RAP1GDS1: variants seen among roughly 807,000 people sequenced by gnomAD.
RAP1GDS1 encodes the protein Rap1 GTPase-GDP dissociation stimulator 1.
A neutral mutation model predicts 71.1 loss-of-function variants in RAP1GDS1; 35 were observed. That is an observed-to-expected ratio of 0.49 (90% CI 0.38 to 0.65). RAP1GDS1 has a LOEUF of 0.65. Ranked by LOEUF, RAP1GDS1 falls within the 30% of genes least tolerant of loss-of-function variation. The pLI is 0.00. For missense variants in RAP1GDS1, 663 were observed against 706.1 expected (o/e 0.94, Z 0.69); for synonymous variants, 229 against 243.1 (o/e 0.94, Z 0.54).
At chr4:98,375,661 TG>T (rs1393094959) in intron 4 of RAP1GDS1, among the ~76,000 whole-genome samples, 2 of 152,212 alleles carry the variant, frequency 1.3e-5, no homozygotes, top group Admixed American at 6.5e-5. Context: ...CATTTTAATA[TG>T]AAATGTACAA....
chr4:98,418,636 G>C (rs780631188), intron 9 of RAP1GDS1, 21 bp from the exon 10 acceptor site: 4 of 1,576,774 alleles, frequency 2.5e-6, no homozygotes, highest in Non-Finnish European at 3.4e-6. Flanking sequence ...GGAAGAAAAA[G>C]ATGTGTGTTT....
intron 4 of RAP1GDS1, among the ~76,000 whole-genome samples, chr4:98,359,820 C>A (rs978103263): frequency 2.6e-5 from 4 of 152,096 alleles, no homozygotes; most frequent in African/African-American, 7.2e-5. Flanking sequence ...GCAGAGATAT[C>A]AGGAAGCCAT....
chr4:98,335,270 A>G (rs1734551611), intron 2 of RAP1GDS1, among the ~76,000 whole-genome samples: 1 of 152,152 alleles, frequency 6.6e-6, no homozygotes, highest in South Asian at 2.1e-4. Flanking sequence ...TGTGTCCATC[A>G]GGCTACAAGG....
chr4:98,366,973 C>A (rs1739590282), intron 4 of RAP1GDS1, among the ~76,000 whole-genome samples: 1 of 152,142 alleles, frequency 6.6e-6, no homozygotes, highest in Admixed American at 6.5e-5. Context: ...AAGCCATCTG[C>A]AGAAATCTGC....
chr4:98,417,423 C>T lies in RAP1GDS1; in HGVS notation c.964C>T (p.Leu322Phe), dbSNP rs770303837. ...AAAAGGTAGTGTATTTCAAAGGGTA[C>T]TCTCTTGGATCCCATCAAATAACCA... ...GGKGSVFQRV[L>F]SWIPSNNHQL... Residue 322 changes from leucine (L) to phenylalanine (F), a missense_variant, in exon 9 of 15, where the codon CTC (leucine) becomes TTC (phenylalanine). Physicochemically the swap from Leu to Phe is conservative, Grantham distance 22. Coordinates refer to ENST00000408927, the MANE Select transcript of RAP1GDS1 (RefSeq NM_001100427.2). 26 of 1,613,198 alleles carry T rather than the reference C, an allele frequency of 1.6e-5. No homozygotes were observed. The highest frequency in any genetic ancestry group is 2.1e-5 in the Non-Finnish European group (25 of 1,179,296).
At chr4:98,427,737 C>G (rs1426919348) in intron 12 of RAP1GDS1, among the ~76,000 whole-genome samples, 2 of 152,054 alleles carry the variant, frequency 1.3e-5, no homozygotes, top group Non-Finnish European at 2.9e-5. Context: ...AAAACACATC[C>G]AATGCTCACC....
rs936311302 is a variant in RAP1GDS1, at chr4:98,329,269, G to T, written c.113-13870G>T. 2.0e-5 allele frequency among the ~76,000 whole-genome samples: 3 copies of T among 152,038 alleles called. No homozygotes were observed. The South Asian group carries it at 6.2e-4, about 32-fold the overall frequency. ...TCATAAAAGTATACTTTATTAAATT[G>T]CCTAAAGAGAAAGTTTCCTTAAATC... On this transcript the variant is annotated intron_variant, in intron 2 of 14. Transcript: ENST00000408927.
intron 5 of RAP1GDS1, among the ~76,000 whole-genome samples, chr4:98,381,271 T>G (rs769479298): frequency 2.6e-5 from 4 of 151,590 alleles, no homozygotes; most frequent in Admixed American, 6.6e-5. Flanking sequence ...AGACATAATC[T>G]TGAGTATTTT....
At chr4:98,343,005 A>G (rs557921040) in intron 2 of RAP1GDS1, 134 bp from the exon 3 acceptor site, 10 of 871,160 alleles carry the variant, frequency 1.1e-5, no homozygotes, top group South Asian at 2.2e-5. Flanking sequence ...GTATAAAGAC[A>G]TATATTTGAA....
chr4:98,262,456 C>T (rs913719015), intron 1 of RAP1GDS1, among the ~76,000 whole-genome samples: 6 of 152,194 alleles, frequency 3.9e-5, no homozygotes, highest in Non-Finnish European at 7.4e-5. Flanking sequence ...ACGATATATA[C>T]ATTTGACCTA....
intron 7 of RAP1GDS1, chr4:98,409,244 G>T (rs935242534): frequency 6.6e-6 from 1 of 152,108 alleles, no homozygotes; most frequent in African/African-American, 2.4e-5. Flanking sequence ...AAATACGTTG[G>T]ATAGCCCTTT....
intron 1 of RAP1GDS1, among the ~76,000 whole-genome samples, chr4:98,282,957 T>C (rs1000767844): frequency 6.6e-6 from 1 of 152,208 alleles, no homozygotes; most frequent in Admixed American, 6.5e-5. Flanking sequence ...TCCTGAGTTC[T>C]AATTTGATTG....
Position 98,261,539 on chromosome 4 carries a change from G to C in RAP1GDS1, c.-27G>C, listed in dbSNP as rs1240543398. 2 of 1,596,902 alleles carry C rather than the reference G, an allele frequency of 1.3e-6. No individual in the cohort carries two copies. Among genetic ancestry groups the C allele is most frequent in the Non-Finnish European group, 1.7e-6 (2 of 1,170,294 alleles). On this transcript the variant is annotated 5_prime_UTR_variant, in exon 1 of 15. Transcript: ENST00000408927. The stretch of plus-strand genomic sequence containing the variant: ...GCACCACAGACCTTCGCCTCGCCCC[G>C]CCGGTTCCTCACCCTCGGGGAGCAA...
chr4:98,374,024 AT>A (rs1000152396), intron 4 of RAP1GDS1, among the ~76,000 whole-genome samples: 1 of 151,902 alleles, frequency 6.6e-6, no homozygotes, highest in South Asian at 2.1e-4. Flanking sequence ...TTAAAACTTT[AT>A]TTTTTTTATT....
At chr4:98,302,380 A>G (rs1349782339) in intron 2 of RAP1GDS1, among the ~76,000 whole-genome samples, 1 of 152,194 alleles carries the variant, frequency 6.6e-6, no homozygotes, top group African/African-American at 2.4e-5. Flanking sequence ...GTGCCCAAGG[A>G]AGAATAGAGG....
In RAP1GDS1 at chr4:98,404,732, C is replaced by T. The variant is rs1016142056; in HGVS notation, c.763+130C>T. ...TAGTGATATGTTTTATTTTGCATAT[C>T]TCTAACTTTAGCTATGTTATCTACT... On this transcript the variant is annotated intron_variant, in intron 7 of 14. Transcript: ENST00000408927. 7 of 1,145,624 alleles carry T rather than the reference C, an allele frequency of 6.1e-6. No homozygotes were observed. In the African/African-American group the frequency reaches 1.1e-4, roughly 19 times the overall value. 71.0% of individuals were successfully genotyped at this position (1,145,624 alleles called of 1,614,324 possible). A position where few individuals can be genotyped will look rare whatever the true frequency, so the allele number is the denominator to read the frequency against.
At chr4:98,262,579 T>C (rs1261113136) in intron 1 of RAP1GDS1, among the ~76,000 whole-genome samples, 1 of 152,238 alleles carries the variant, frequency 6.6e-6, no homozygotes, top group Non-Finnish European at 1.5e-5. Context: ...TAGCGACTTG[T>C]ACTAAGTTCC....
intron 5 of RAP1GDS1, 42 bp from the exon 6 acceptor site, chr4:98,391,910 A>C (rs1445703484): frequency 1.6e-5 from 24 of 1,535,884 alleles, no homozygotes; most frequent in Non-Finnish European, 2.0e-5. Flanking sequence ...TTGACATGTC[A>C]ACACTTTCTT....
chr4:98,416,953 T>G lies in RAP1GDS1; in HGVS notation c.907+65T>G, dbSNP rs564702875. ...AGATGTTTTTAAAATTTATTGTCTC[T>G]TCTGTAAATACTACCCTAGACATTT... On this transcript the variant is annotated intron_variant, in intron 8 of 14. Coordinates refer to ENST00000408927, the MANE Select transcript of RAP1GDS1 (RefSeq NM_001100427.2). The G allele has an allele frequency of 6.8e-5, 104 of 1,529,838 alleles. 1 individual carries two copies. In the South Asian group the frequency reaches 1.2e-3, roughly 18 times the overall value. The allele number at this position is 1,529,838 out of a possible 1,614,324, so 94.8% of individuals were successfully genotyped here.
Sources: gnomAD v4.1 joint callset for allele counts (sites outside exome capture counted in the v4.1 genomes callset) on GRCh38, gnomAD v4.1.1 for gene constraint, MANE v1.5 for transcripts, NCBI Gene and HGNC (gene_info 2026-07-23, HGNC 2026-07-21) for gene names.